Variants in PDE11A observed in about 807,000 individuals in gnomAD.
PDE11A encodes the protein dual 3',5'-cyclic-AMP and -GMP phosphodiesterase 11A.
Under a neutral mutation model 100.5 loss-of-function variants are expected in PDE11A, and 100 were observed. That is an observed-to-expected ratio of 1.00 (90% CI 0.85 to 1.18). The LOEUF is 1.18. Among genes scored for constraint, PDE11A ranks in the 50% most tolerant of loss-of-function variants. The pLI, the probability that PDE11A is intolerant of heterozygous loss-of-function variation, is 0.00. For synonymous variants in PDE11A, 381 were observed against 420.8 expected (o/e 0.91, Z 1.16); for missense variants, 1,141 against 1,152.6 (o/e 0.99, Z 0.15).
At chr2:177,965,213 A>G (rs1459624951) in intron 2 of PDE11A, among the ~76,000 whole-genome samples, 4 of 151,902 alleles carry the variant, frequency 2.6e-5, no homozygotes, top group Admixed American at 2.6e-4. Flanking sequence ...TTTTAATGGC[A>G]TTGTTTGCTT....
At chr2:178,064,692 C>A (rs1403417050) in intron 1 of PDE11A, among the ~76,000 whole-genome samples, 2 of 149,386 alleles carry the variant, frequency 1.3e-5, no homozygotes, top group African/African-American at 4.9e-5. Context: ...GGCTCAGTGG[C>A]ACACATTTAT....
chr2:177,735,119 T>C (rs184202356), intron 10 of PDE11A, among the ~76,000 whole-genome samples: 84 of 152,302 alleles, frequency 5.5e-4, no homozygotes, highest in African/African-American at 2.0e-3. Context: ...CAGAACAGTA[T>C]GGGTTAAGAG....
intron 2 of PDE11A, among the ~76,000 whole-genome samples, chr2:177,982,836 G>A (rs1170853264): frequency 6.6e-6 from 1 of 150,738 alleles, no homozygotes; most frequent in East Asian, 1.9e-4. Flanking sequence ...AGTACTTTGG[G>A]AGGCCAAGGT....
intron 5 of PDE11A, among the ~76,000 whole-genome samples, chr2:177,857,805 C>G (rs2083867835): frequency 6.6e-6 from 1 of 151,908 alleles, no homozygotes; most frequent in African/African-American, 2.4e-5. Flanking sequence ...ACTTTAGATT[C>G]AAAGACATGA....
chr2:178,106,074 TTG>T (rs2087614217), intron 1 of PDE11A, among the ~76,000 whole-genome samples: 1 of 152,200 alleles, frequency 6.6e-6, no homozygotes. Flanking sequence ...CAGAAAACGT[TTG>T]TGTTATTCTG....
intron 9 of PDE11A, among the ~76,000 whole-genome samples, chr2:177,773,559 C>T (rs981166867): frequency 1.3e-5 from 2 of 152,126 alleles, no homozygotes; most frequent in Non-Finnish European, 2.9e-5. Flanking sequence ...AGATTTTAAG[C>T]CTCTACTGGC....
intron 9 of PDE11A, among the ~76,000 whole-genome samples, chr2:177,806,826 T>G (rs1014748824): frequency 2.0e-5 from 3 of 152,006 alleles, no homozygotes; most frequent in African/African-American, 7.2e-5. Flanking sequence ...TGGATATAAT[T>G]AATAACAGTT....
intron 15 of PDE11A, chr2:177,688,021 T>A (rs1033431125): frequency 3.9e-5 from 6 of 152,250 alleles, no homozygotes; most frequent in Non-Finnish European, 7.3e-5. Context: ...TCTGGGTAGA[T>A]TATAAGTCCC....
At chr2:177,995,484 A>T (rs1426857992) in intron 2 of PDE11A, among the ~76,000 whole-genome samples, 1 of 152,232 alleles carries the variant, frequency 6.6e-6, no homozygotes, top group East Asian at 1.9e-4. Context: ...TCCTAAAAAA[A>T]TACATCAGAC....
intron 4 of PDE11A, among the ~76,000 whole-genome samples, chr2:177,879,940 TTTTA>T (rs891725317): frequency 2.6e-5 from 4 of 152,160 alleles, no homozygotes; most frequent in Non-Finnish European, 5.9e-5. Context: ...GGGACAAAAC[TTTTA>T]TTTGTTTTGT....
chr2:177,922,019 T>C (rs2085056755), intron 2 of PDE11A: 1 of 152,196 alleles, frequency 6.6e-6, no homozygotes, highest in African/African-American at 2.4e-5. Flanking sequence ...TTTTGTTAAC[T>C]TTACAAAACT....
intron 1 of PDE11A, among the ~76,000 whole-genome samples, chr2:178,043,698 T>C (rs1215089642): frequency 1.3e-5 from 2 of 152,180 alleles, no homozygotes; most frequent in Non-Finnish European, 2.9e-5. Flanking sequence ...CATTTATGTA[T>C]GCAAAAATCT....
chr2:178,016,128 CTAA>C (rs1324389924), intron 1 of PDE11A, among the ~76,000 whole-genome samples: 6 of 85,776 alleles, frequency 7.0e-5, no homozygotes, highest in Non-Finnish European at 1.4e-4. Context: ...TCATGCCTGG[CTAA>C]TTTTTTTTTT....
chr2:177,960,994 A>G (rs1028114817), intron 2 of PDE11A, among the ~76,000 whole-genome samples: 1 of 152,212 alleles, frequency 6.6e-6, no homozygotes. Flanking sequence ...TGAGACTGTC[A>G]TGCTAAGAGA....
chr2:177,928,104 C>CAAAAA (rs59085357), intron 2 of PDE11A, among the ~76,000 whole-genome samples: 11 of 56,390 alleles, frequency 2.0e-4, no homozygotes, highest in South Asian at 1.4e-3. Flanking sequence ...AACTCCATCT[C>CAAAAA]AAAAAAAAAA....
chr2:177,701,510 T>C (rs886111742), intron 13 of PDE11A, among the ~76,000 whole-genome samples: 3 of 151,954 alleles, frequency 2.0e-5, no homozygotes, highest in Admixed American at 6.6e-5. Flanking sequence ...AAAGATGAGA[T>C]GAGATAACAA....
Position 177,851,487 on chromosome 2 carries a change from T to C in PDE11A, c.1368-11104A>G, listed in dbSNP as rs185219211. Among the ~76,000 whole-genome samples, 1,166 of 152,244 alleles carry C rather than the reference T, an allele frequency of 7.7e-3. 17 individuals carry two copies. Among genetic ancestry groups the C allele is most frequent in the African/African-American group, 0.026 (1,079 of 41,538 alleles). On this transcript the variant is annotated intron_variant, in intron 5 of 19. Coordinates refer to ENST00000286063, the MANE Select transcript of PDE11A (RefSeq NM_016953.4). The stretch of plus-strand genomic sequence containing the variant: ...CCAACATGGCACATGTATACATATG[T>C]AACAAACCTGCACGTTGTGCACATG...
intron 2 of PDE11A, among the ~76,000 whole-genome samples, chr2:178,001,275 AGTGTGTGTGTGTGT>A (rs57136586): frequency 5.0e-5 from 7 of 140,656 alleles, no homozygotes; most frequent in Admixed American, 2.1e-4. Flanking sequence ...ACAATGTGAA[AGTGTGTGTGTGTGT>A]GTGTGTGTGT....
intron 4 of PDE11A, among the ~76,000 whole-genome samples, chr2:177,877,666 A>G (rs2084263214): frequency 6.6e-6 from 1 of 152,192 alleles, no homozygotes; most frequent in Non-Finnish European, 1.5e-5. Context: ...GAGGAACAAG[A>G]AAAGGTTAGA....
Sources: allele counts gnomAD v4.1 joint callset (sites outside exome capture counted in the v4.1 genomes callset), GRCh38; gene constraint gnomAD v4.1.1; transcripts MANE v1.5; gene names NCBI Gene and HGNC (gene_info 2026-07-23, HGNC 2026-07-21).